NRXN1: variants seen among roughly 807,000 people sequenced by gnomAD.
NRXN1 encodes neurexin 1.
NRXN1 carries 39 observed loss-of-function variants against 150.9 expected under a neutral mutation model. That is an observed-to-expected ratio of 0.26 (90% CI 0.20 to 0.34). The LOEUF (loss-of-function observed/expected upper bound fraction) is 0.34, where lower values mean the gene tolerates loss of function less well. Ranked by LOEUF, NRXN1 falls within the 10% of genes least tolerant of loss-of-function variation. NRXN1 has a pLI of 1.00. For missense variants in NRXN1, 1,815 were observed against 1,949.9 expected (o/e 0.93, Z 1.30); for synonymous variants, 924 against 757.0 (o/e 1.22, Z -3.62).
At chr2:50,511,268 G>C (rs2092443769) in intron 12 of NRXN1, among the ~76,000 whole-genome samples, 1 of 152,042 alleles carries the variant, frequency 6.6e-6, no homozygotes, top group African/African-American at 2.4e-5. Context: ...CCATGTTCGA[G>C]GCCAGTCTGG....
intron 5 of NRXN1, among the ~76,000 whole-genome samples, chr2:50,762,331 AT>A (rs1327952776): frequency 1.7e-4 from 25 of 150,854 alleles, no homozygotes; most frequent in Non-Finnish European, 3.0e-4. Flanking sequence ...ACTTTTTTAA[AT>A]TTTTTTTTCA....
chr2:50,601,931 G>A (rs1196720132), intron 8 of NRXN1, among the ~76,000 whole-genome samples: 1 of 152,136 alleles, frequency 6.6e-6, no homozygotes, highest in East Asian at 1.9e-4. Context: ...ATGTTCACCG[G>A]TTACATGGAG....
intron 17 of NRXN1, among the ~76,000 whole-genome samples, chr2:50,410,703 G>A (rs923830859): frequency 6.6e-6 from 1 of 152,178 alleles, no homozygotes; most frequent in Admixed American, 6.5e-5. Context: ...AAGACATAAT[G>A]ATGAGAAAAG....
intron 17 of NRXN1, among the ~76,000 whole-genome samples, chr2:50,380,558 G>A (rs767240672): frequency 6.6e-6 from 1 of 152,070 alleles, no homozygotes; most frequent in Non-Finnish European, 1.5e-5. Context: ...CTTACTATCT[G>A]ACTGAGCCTC....
At chr2:50,923,468 T>A in intron 3 of NRXN1, 1 of 263,602 alleles carries the variant, frequency 3.8e-6, no homozygotes, top group African/African-American at 2.3e-5. Flanking sequence ...TTAAAGGACA[T>A]TGAAATTCCT....
At chr2:50,156,133 T>C (rs2059006041) in intron 18 of NRXN1, among the ~76,000 whole-genome samples, 1 of 151,810 alleles carries the variant, frequency 6.6e-6, no homozygotes, top group Non-Finnish European at 1.5e-5. Context: ...AATAAATACA[T>C]ATTACTTTTG....
rs559885008 is a variant in NRXN1, at chr2:50,824,843, A to T, written c.832+97026T>A. Among the ~76,000 whole-genome samples the T allele has an allele frequency of 2.0e-5, 3 of 152,310 alleles. No homozygotes were observed. In the South Asian group the frequency reaches 6.2e-4, roughly 32 times the overall value. ...GGTGAGGCAGCTTTTCATTAGTAAG[A>T]TGAATAACAAGAGGGAATACTTGTT... On this transcript the variant is annotated intron_variant, in intron 5 of 22. Coordinates refer to ENST00000401669, the MANE Select transcript of NRXN1 (RefSeq NM_001330078.2).
intron 5 of NRXN1, among the ~76,000 whole-genome samples, chr2:50,881,977 T>G (rs1282071902): frequency 6.6e-6 from 1 of 151,838 alleles, no homozygotes; most frequent in Non-Finnish European, 1.5e-5. Flanking sequence ...GCGAAAATTC[T>G]GTCCTATGTT....
At chr2:50,423,786 T>A (rs2084200832) in intron 17 of NRXN1, among the ~76,000 whole-genome samples, 1 of 151,786 alleles carries the variant, frequency 6.6e-6, no homozygotes, top group Non-Finnish European at 1.5e-5. Flanking sequence ...AGAAAGAAAT[T>A]TGAAAGGATT....
At chr2:50,410,406 C>G (rs77225454) in intron 17 of NRXN1, among the ~76,000 whole-genome samples, 65 of 152,266 alleles carry the variant, frequency 4.3e-4, no homozygotes, top group South Asian at 1.0e-3. Context: ...ACTTTTGTAC[C>G]TATCTGCCTC....
chr2:50,566,084 C>T lies in NRXN1; in HGVS notation c.1321-13059G>A, dbSNP rs570727666. Among the ~76,000 whole-genome samples, 3 of 152,284 alleles carry T rather than the reference C, an allele frequency of 2.0e-5. No individual in the cohort carries two copies. The East Asian group carries it at 5.8e-4, about 29-fold the overall frequency. On this transcript the variant is annotated intron_variant, in intron 8 of 22. Coordinates refer to ENST00000401669, the MANE Select transcript of NRXN1 (RefSeq NM_001330078.2). ...CACTAGGTTGGCCACCTCTTGGTGG[C>T]TACATAAACACACGTTCCTCACTTC...
chr2:50,592,299 G>T (rs1190638139), intron 8 of NRXN1, among the ~76,000 whole-genome samples: 4 of 152,232 alleles, frequency 2.6e-5, no homozygotes, highest in African/African-American at 9.6e-5. Flanking sequence ...GTTGGCAAGG[G>T]CCAGGGCAAA....
intron 17 of NRXN1, among the ~76,000 whole-genome samples, chr2:50,275,582 CG>C (rs2070331989): frequency 6.6e-6 from 1 of 151,894 alleles, no homozygotes; most frequent in South Asian, 2.1e-4. Flanking sequence ...GACTTTTATT[CG>C]AAGATTTGGC....
intron 8 of NRXN1, among the ~76,000 whole-genome samples, chr2:50,581,669 G>T (rs1219860916): frequency 1.3e-5 from 2 of 152,198 alleles, no homozygotes; most frequent in African/African-American, 4.8e-5. Flanking sequence ...AGAATGTCAT[G>T]ATGATGACAG....
At chr2:50,355,669 A>G (rs2078749382) in intron 17 of NRXN1, among the ~76,000 whole-genome samples, 1 of 152,182 alleles carries the variant, frequency 6.6e-6, no homozygotes, top group Admixed American at 6.5e-5. Flanking sequence ...AAATGTTAAT[A>G]TATATTTCCC....
intron 17 of NRXN1, among the ~76,000 whole-genome samples, chr2:50,395,934 T>C (rs967964782): frequency 2.0e-5 from 3 of 152,278 alleles, no homozygotes; most frequent in African/African-American, 7.2e-5. Flanking sequence ...CATCCAAATA[T>C]GTAAATCCTC....
chr2:50,999,383 T>C (rs1309032417), intron 2 of NRXN1, among the ~76,000 whole-genome samples: 1 of 151,878 alleles, frequency 6.6e-6, no homozygotes, highest in African/African-American at 2.4e-5. Context: ...GAAAGGCAAA[T>C]AATCAGGAAT....
intron 5 of NRXN1, among the ~76,000 whole-genome samples, chr2:50,911,383 G>GT (rs70958633): frequency 0.27 from 39,865 of 148,714 alleles, 7,054 homozygotes; most frequent in East Asian, 0.61. Flanking sequence ...TTCCTTTATA[G>GT]TTTTTTTTTT....
chr2:50,531,173 A>AT, intron 11 of NRXN1, 54 bp downstream of exon 11: 1 of 1,456,834 alleles, frequency 6.9e-7, no homozygotes, highest in Non-Finnish European at 9.5e-7. Context: ...TTTGCAGGCA[A>AT]ATTGAACAAA....
Sources: allele counts gnomAD v4.1 joint callset (sites outside exome capture counted in the v4.1 genomes callset), GRCh38; gene constraint gnomAD v4.1.1; transcripts MANE v1.5; gene names NCBI Gene and HGNC (gene_info 2026-07-23, HGNC 2026-07-21).